Variants in CTSB observed in about 807,000 individuals in gnomAD.
The protein encoded by CTSB is cathepsin B, also known as APP secretase.
Under a neutral mutation model 44.3 loss-of-function variants are expected in CTSB, and 57 were observed. The observed-to-expected ratio is 1.29, with a 90% confidence interval of 1.04 to 1.60. The LOEUF (loss-of-function observed/expected upper bound fraction) is 1.60, where lower values mean the gene tolerates loss of function less well. Ranked by LOEUF, CTSB falls within the 40% of genes most tolerant of loss-of-function variation. The probability of loss-of-function intolerance (pLI) is 0.00; values close to 1 mark genes in which losing one functional copy is unlikely to be tolerated. For missense variants in CTSB, 768 were observed against 443.0 expected, an observed-to-expected ratio of 1.73 and a Z score of -6.59; for synonymous variants, 320 against 168.0, an observed-to-expected ratio of 1.91 and a Z score of -7.00.
intron 4 of CTSB, among the ~76,000 whole-genome samples, chr8:11,850,324 CAGG>C (rs769129431): frequency 6.9e-6 from 1 of 145,168 alleles, no homozygotes; most frequent in Non-Finnish European, 1.5e-5. Flanking sequence ...GAGACTGAGG[CAGG>C]AGAATTGCTT....
intron 1 of CTSB, among the ~76,000 whole-genome samples, chr8:11,857,191 T>C (rs1051109108): frequency 2.6e-5 from 4 of 152,222 alleles, no homozygotes; most frequent in Admixed American, 2.6e-4. Flanking sequence ...GTTTGGCTAA[T>C]TTTTGTAGTA....
chr8:11,847,681 T>C lies in CTSB; in HGVS notation c.674A>G (p.Tyr225Cys). 1.3e-6 allele frequency: 2 copies of C among 1,550,778 alleles called. No individual in the cohort carries two copies. The highest frequency in any genetic ancestry group is 8.7e-7 in the Non-Finnish European group (1 of 1,152,042). ...YSPTYKQDKHYGYNSYSVSNS... is the reference protein window; with the variant it reads ...YSPTYKQDKHCGYNSYSVSNS... ...TGGCCAGGCCCCAGGCCCCTTACCG[T>C]AGTGCTTGTCCTGTTTGTAGGTCGG... The change falls in exon 7 of 10, where the codon TAC becomes TGC. Residue 225 changes from tyrosine (Y) to cysteine (C), a missense_variant and splice_region_variant. Coordinates refer to ENST00000353047, the MANE Select transcript of CTSB (RefSeq NM_001908.5).
chr8:11,856,076 AT>A (rs1407216706), intron 1 of CTSB, among the ~76,000 whole-genome samples: 3 of 152,116 alleles, frequency 2.0e-5, no homozygotes, highest in Non-Finnish European at 2.9e-5. Flanking sequence ...GGAGGTGCAG[AT>A]AAAATCAAGG....
At chr8:11,866,356 C>G (rs1448590935) in intron 1 of CTSB, among the ~76,000 whole-genome samples, 1 of 152,252 alleles carries the variant, frequency 6.6e-6, no homozygotes, top group African/African-American at 2.4e-5. Context: ...CCCAGGAGAG[C>G]TGTGCCAGGG....
At chr8:11,864,874 C>T (rs997137898) in intron 1 of CTSB, among the ~76,000 whole-genome samples, 19 of 150,062 alleles carry the variant, frequency 1.3e-4, no homozygotes, top group South Asian at 4.2e-4. Flanking sequence ...GATTGTGCCA[C>T]GGCATTCCAG....
At chr8:11,855,483 C>T (rs914376273) in intron 1 of CTSB, among the ~76,000 whole-genome samples, 3 of 152,008 alleles carry the variant, frequency 2.0e-5, no homozygotes, top group South Asian at 4.1e-4. Flanking sequence ...ATTGTGAGAC[C>T]CCATCAATAT....
At chr8:11,853,678 G>T (rs1815016700) in intron 1 of CTSB, 199 bp from the exon 2 acceptor site, 2 of 513,606 alleles carry the variant, frequency 3.9e-6, no homozygotes, top group East Asian at 6.6e-5. Context: ...TGGGTCCCCG[G>T]GGGCCAGGCG....
At chr8:11,855,941 T>A (rs1436209814) in intron 1 of CTSB, among the ~76,000 whole-genome samples, 1 of 151,930 alleles carries the variant, frequency 6.6e-6, no homozygotes, top group East Asian at 1.9e-4. Context: ...TTGCTTCAAC[T>A]CACTTGAACC....
chr8:11,843,531 C>T lies in CTSB; in HGVS notation c.*1594G>A, dbSNP rs1236223781. On this transcript the variant is annotated 3_prime_UTR_variant, in exon 10 of 10. Transcript: ENST00000353047. ...TTCTAAACCAGGGCTATGCAAAGCACTAGAGTTCCTGACCAGCAATGCAAA... is the reference window on the plus strand; with the variant it reads ...TTCTAAACCAGGGCTATGCAAAGCATTAGAGTTCCTGACCAGCAATGCAAA... 6.6e-6 allele frequency: 1 copy of T among 152,232 alleles called. No homozygotes were observed. Among genetic ancestry groups the T allele is most frequent in the Non-Finnish European group, 1.5e-5 (1 of 68,064 alleles). The allele number at this position is 152,232 out of a possible 1,614,324, so 9.4% of individuals were successfully genotyped here.
intron 3 of CTSB, 95 bp downstream of exon 3, chr8:11,852,515 C>A (rs376787078): frequency 6.7e-6 from 6 of 893,168 alleles, no homozygotes; most frequent in Non-Finnish European, 1.0e-5. Flanking sequence ...ATGAGCCCTG[C>A]GGACGCCAGA....
At chr8:11,846,884 G>C (rs896380303) in intron 8 of CTSB, among the ~76,000 whole-genome samples, 168 bp downstream of exon 8, 12 of 152,126 alleles carry the variant, frequency 7.9e-5, no homozygotes, top group Non-Finnish European at 1.5e-4. Context: ...TCAGGTGCCA[G>C]GCTGGTCCAC....
At chr8:11,861,133 C>T (rs1427295044) in intron 1 of CTSB, among the ~76,000 whole-genome samples, 1 of 152,210 alleles carries the variant, frequency 6.6e-6, no homozygotes, top group Non-Finnish European at 1.5e-5. Context: ...AAAACAAAAT[C>T]CAAAGGGCTC....
intron 1 of CTSB, among the ~76,000 whole-genome samples, chr8:11,865,780 C>A (rs565124720): frequency 6.7e-6 from 1 of 148,462 alleles, no homozygotes; most frequent in Non-Finnish European, 1.5e-5. Context: ...GAGGCTGAGG[C>A]GGATCACTTG....
chr8:11,863,521 T>C (rs1396469319), intron 1 of CTSB, among the ~76,000 whole-genome samples: 1 of 151,818 alleles, frequency 6.6e-6, no homozygotes, highest in Non-Finnish European at 1.5e-5. Flanking sequence ...ACAGGAAAAG[T>C]GTCACTCAAC....
At chr8:11,864,964 A>C (rs1325016222) in intron 1 of CTSB, among the ~76,000 whole-genome samples, 1 of 152,066 alleles carries the variant, frequency 6.6e-6, no homozygotes, top group Non-Finnish European at 1.5e-5. Context: ...TTTGATCCCT[A>C]AACCTCCTAC....
intron 1 of CTSB, among the ~76,000 whole-genome samples, chr8:11,859,371 G>C (rs1006239133): frequency 3.3e-5 from 5 of 152,178 alleles, no homozygotes; most frequent in African/African-American, 1.2e-4. Context: ...GAGGTGGAAT[G>C]AAAGTCAAAG....
chr8:11,852,471 T>G, intron 3 of CTSB, 139 bp downstream of exon 3: 1 of 523,756 alleles, frequency 1.9e-6, no homozygotes, highest in Non-Finnish European at 3.4e-6. Context: ...AAACAAGTAC[T>G]GTACCTCAAG....
chr8:11,846,054 TAATACA>T (rs1813265342), intron 8 of CTSB: 1 of 297,208 alleles, frequency 3.4e-6, no homozygotes, highest in Non-Finnish European at 6.2e-6. Flanking sequence ...ATAGAATTTC[TAATACA>T]TTCTAATTGA....
intron 3 of CTSB, among the ~76,000 whole-genome samples, chr8:11,851,520 G>C (rs1256294274): frequency 6.6e-6 from 1 of 151,824 alleles, no homozygotes; most frequent in Non-Finnish European, 1.5e-5. Context: ...TTCTTTCTAG[G>C]CTTATGTAAT....
Sources: gnomAD v4.1 joint callset for allele counts (sites outside exome capture counted in the v4.1 genomes callset) on GRCh38, gnomAD v4.1.1 for gene constraint, MANE v1.5 for transcripts, NCBI Gene and HGNC (gene_info 2026-07-23, HGNC 2026-07-21) for gene names.